The following OSBPL1A variants were observed in gnomAD, a reference collection of about 807,000 sequenced individuals.
OSBPL1A encodes oxysterol-binding protein-related protein 1.
Under a neutral mutation model 137.1 loss-of-function variants are expected in OSBPL1A, and 80 were observed. The observed-to-expected ratio is 0.58, with a 90% CI of 0.49 to 0.70. The LOEUF (loss-of-function observed/expected upper bound fraction) is 0.70. OSBPL1A is among the 30% of genes least tolerant of loss of function. The pLI is 0.00. For missense variants in OSBPL1A, 970 were observed against 1,129.4 expected (o/e 0.86, Z 2.02); for synonymous variants, 365 against 389.7 (o/e 0.94, Z 0.75).
intron 4 of OSBPL1A, chr18:24,347,841 G>GA (rs34599277): frequency 0.37 from 20,211 of 55,314 alleles, 3,999 homozygotes; most frequent in Non-Finnish European, 0.39. Flanking sequence ...CACTCCATCT[G>GA]AAAAAAAAAA....
At chr18:24,269,885 C>CACACACACACA (rs375934061) in intron 15 of OSBPL1A, among the ~76,000 whole-genome samples, 41 of 151,318 alleles carry the variant, frequency 2.7e-4, no homozygotes, top group South Asian at 4.2e-4. Context: ...CACACACACA[C>CACACACACACA]CATGCTAATT....
chr18:24,264,450 G>A (rs904258896), intron 15 of OSBPL1A, among the ~76,000 whole-genome samples: 1 of 152,034 alleles, frequency 6.6e-6, no homozygotes, highest in African/African-American at 2.4e-5. Flanking sequence ...TTCAGTGAGG[G>A]CCATTTTTCT....
chr18:24,172,594 T>C (rs2086317008), intron 21 of OSBPL1A, 111 bp from the exon 22 acceptor site: 1 of 701,598 alleles, frequency 1.4e-6, no homozygotes, highest in African/African-American at 1.8e-5. Context: ...CTGCTTGAGA[T>C]AACTACGTTC....
intron 15 of OSBPL1A, among the ~76,000 whole-genome samples, chr18:24,253,981 T>C (rs746161177): frequency 1.4e-4 from 22 of 152,238 alleles, no homozygotes; most frequent in Non-Finnish European, 3.2e-4. Context: ...GAAAAGGCTT[T>C]GTCAGTTTTG....
rs182947013 is a variant in OSBPL1A, at chr18:24,370,119, G to C, written c.122-1747C>G. Among the ~76,000 whole-genome samples, 180 of 152,336 alleles carry C rather than the reference G, an allele frequency of 1.2e-3. 2 individuals are homozygous for C. The highest frequency in any genetic ancestry group is 4.2e-3 in the African/African-American group (173 of 41,570). On this transcript the variant is annotated intron_variant, in intron 2 of 27. Transcript: ENST00000319481. Reference sequence around the variant, plus strand: ...CACCTGCAGTCTCAGCTACTCCAGAGGCTAAGGCGGAGGATCACCAGAGCC... The same window carrying C: ...CACCTGCAGTCTCAGCTACTCCAGACGCTAAGGCGGAGGATCACCAGAGCC...
chr18:24,218,571 G>C (rs2145978068), intron 17 of OSBPL1A, among the ~76,000 whole-genome samples: 1 of 152,296 alleles, frequency 6.6e-6, no homozygotes. Context: ...AGCCTTCTGA[G>C]TAGCTGGGAT....
chr18:24,228,597 T>C (rs925599354), intron 16 of OSBPL1A, among the ~76,000 whole-genome samples: 2 of 152,100 alleles, frequency 1.3e-5, no homozygotes, highest in South Asian at 2.1e-4. Context: ...ACGAGTTCAG[T>C]AGATTTCTCT....
At chr18:24,259,043 T>C (rs1252809045) in intron 15 of OSBPL1A, among the ~76,000 whole-genome samples, 4 of 149,892 alleles carry the variant, frequency 2.7e-5, no homozygotes, top group African/African-American at 9.7e-5. Flanking sequence ...GTTCACGCCA[T>C]TCTCCTGCCT....
At chr18:24,393,744 C>T (rs1907535581) in intron 1 of OSBPL1A, among the ~76,000 whole-genome samples, 1 of 152,184 alleles carries the variant, frequency 6.6e-6, no homozygotes, top group Non-Finnish European at 1.5e-5. Context: ...TGAGCCACTG[C>T]ACCTGGCATT....
intron 1 of OSBPL1A, among the ~76,000 whole-genome samples, chr18:24,397,183 G>GA (rs1398884659): frequency 1.1e-4 from 16 of 152,306 alleles, no homozygotes; most frequent in Middle Eastern, 3.4e-3. Context: ...ATCTCCCTTG[G>GA]ATATTCGTTC....
At chr18:24,164,986 A>G in intron 27 of OSBPL1A, 79 bp downstream of exon 27, 1 of 1,412,144 alleles carries the variant, frequency 7.1e-7, no homozygotes, top group Non-Finnish European at 9.9e-7. Flanking sequence ...CTGGGGTCAC[A>G]GTGTCTGGCA....
intron 16 of OSBPL1A, among the ~76,000 whole-genome samples, chr18:24,233,471 G>A (rs2088343223): frequency 6.6e-6 from 1 of 152,072 alleles, no homozygotes; most frequent in South Asian, 2.1e-4. Context: ...GATTATCTTA[G>A]GCTCATTATT....
chr18:24,289,503 C>T (rs570180776), intron 14 of OSBPL1A, among the ~76,000 whole-genome samples: 9 of 141,054 alleles, frequency 6.4e-5, no homozygotes, highest in African/African-American at 2.1e-4. Flanking sequence ...CTCACTGTAA[C>T]CCCCACCTCC....
At chr18:24,249,215 A>C (rs1375084172) in intron 15 of OSBPL1A, among the ~76,000 whole-genome samples, 1 of 152,270 alleles carries the variant, frequency 6.6e-6, no homozygotes, top group Admixed American at 6.5e-5. Flanking sequence ...CAGAAGTCGC[A>C]CTTAGAGGAT....
rs191839725 is a variant in OSBPL1A, at chr18:24,363,805, C to A, written c.282+3087G>T. 9.2e-3 allele frequency among the ~76,000 whole-genome samples: 1,389 copies of A among 151,778 alleles called. 11 individuals are homozygous for A. Among genetic ancestry groups the A allele is most frequent in the Non-Finnish European group, 0.014 (931 of 67,902 alleles). On this transcript the variant is annotated intron_variant, in intron 4 of 27. Transcript: ENST00000319481. ...TACAGATGCACACCACCACACCAGG[C>A]AATTTTTTTTTTTTAGAGATGGGAT...
intron 23 of OSBPL1A, 79 bp from the exon 24 acceptor site, chr18:24,170,532 G>A (rs1049944806): frequency 1.3e-5 from 20 of 1,561,904 alleles, no homozygotes; most frequent in Middle Eastern, 1.7e-4. Flanking sequence ...ATTCCCAGGC[G>A]GTCTCCCATC....
chr18:24,245,721 T>G (rs1190467922), intron 15 of OSBPL1A, among the ~76,000 whole-genome samples: 1 of 152,206 alleles, frequency 6.6e-6, no homozygotes, highest in East Asian at 1.9e-4. Flanking sequence ...CATTATAGTA[T>G]AGTATACTCT....
chr18:24,316,650 G>A (rs1222168852), intron 11 of OSBPL1A, among the ~76,000 whole-genome samples: 1 of 152,134 alleles, frequency 6.6e-6, no homozygotes, highest in Non-Finnish European at 1.5e-5. Flanking sequence ...AGAAGGAAAT[G>A]CAACATTCCA....
At chr18:24,369,134 T>A (rs1905409720) in intron 2 of OSBPL1A, among the ~76,000 whole-genome samples, 1 of 152,100 alleles carries the variant, frequency 6.6e-6, no homozygotes, top group African/African-American at 2.4e-5. Context: ...CTAATACGAT[T>A]TGGAAAGCTG....
Sources: allele counts gnomAD v4.1 joint callset (sites outside exome capture counted in the v4.1 genomes callset), GRCh38; gene constraint gnomAD v4.1.1; transcripts MANE v1.5; gene names NCBI Gene and HGNC (gene_info 2026-07-23, HGNC 2026-07-21).